Variants in CSPG5 observed in about 807,000 individuals in gnomAD.
CSPG5 encodes the protein chondroitin sulfate proteoglycan 5.
Under a neutral mutation model 39.8 loss-of-function variants are expected in CSPG5, and 25 were observed. The ratio of observed to expected loss-of-function variants is 0.63; its 90% confidence interval spans 0.46 to 0.88. The LOEUF is 0.88. CSPG5 is among the 40% of genes least tolerant of loss of function. The probability of loss-of-function intolerance (pLI) is 0.00; values close to 1 mark genes in which losing one functional copy is unlikely to be tolerated. For missense variants in CSPG5, 627 were observed against 702.2 expected, an observed-to-expected ratio of 0.89 and a Z score of 1.21; for synonymous variants, 295 against 303.9, an observed-to-expected ratio of 0.97 and a Z score of 0.31.
At chr3:47,564,120 G>A (rs1372355397) in intron 4 of CSPG5, among the ~76,000 whole-genome samples, 1 of 152,216 alleles carries the variant, frequency 6.6e-6, no homozygotes, top group Non-Finnish European at 1.5e-5. Flanking sequence ...AGAAGGTAGA[G>A]AGTGTCCTAA....
intron 2 of CSPG5, among the ~76,000 whole-genome samples, chr3:47,574,151 A>C (rs1385246565): frequency 6.6e-6 from 1 of 152,226 alleles, no homozygotes; most frequent in Non-Finnish European, 1.5e-5. Context: ...CACGTGGAGA[A>C]GCCCTTGTGA....
At chr3:47,575,771 C>G (rs1401147362) in intron 2 of CSPG5, among the ~76,000 whole-genome samples, 1 of 152,042 alleles carries the variant, frequency 6.6e-6, no homozygotes, top group African/African-American at 2.4e-5. Context: ...CCTCCTCCCG[C>G]CGAGCACAAG....
chr3:47,571,126 A>G (rs1390352252), intron 3 of CSPG5, among the ~76,000 whole-genome samples: 1 of 151,762 alleles, frequency 6.6e-6, no homozygotes, highest in Non-Finnish European at 1.5e-5. Flanking sequence ...CAGTGATTGT[A>G]AGACACAATC....
Position 47,577,474 on chromosome 3 carries a change from G to A in CSPG5, c.552C>T (p.Pro184=), listed in dbSNP as rs758758712. 6 of 1,613,780 alleles carry A rather than the reference G, an allele frequency of 3.7e-6. No homozygotes were observed. In the African/African-American group the frequency reaches 6.7e-5, roughly 18 times the overall value. The change falls in exon 2 of 5, where the codon CCC becomes CCT. Residue 184 remains proline, a synonymous_variant. Transcript: ENST00000264723. The surrounding 1 kb of genome is among the most constrained non-coding windows in gnomAD (Gnocchi z 4.7). The part of the protein sequence containing the change: ...EVWLNLGGST[P]DPQGPELTYP... ...AAGTCAGCTCTGGCCCTTGAGGGTC[G>A]GGTGTGCTGCCCCCCAGGTTCAGCC...
chr3:47,576,604 G>A lies in CSPG5; in HGVS notation c.1193+229C>T, dbSNP rs527604610. 2.2e-4 allele frequency among the ~76,000 whole-genome samples: 33 copies of A among 152,162 alleles called. No individual in the cohort carries two copies. In the South Asian group the frequency reaches 6.6e-3, roughly 31 times the overall value. ...CTCCTGAGTAGCTGGGACTACAGGT[G>A]CCTGCCACCGCGCCCAGCTAATTTT... On this transcript the variant is annotated intron_variant, in intron 2 of 4. Transcript: ENST00000264723.
At chr3:47,579,483 G>A (rs1296588832), upstream of CSPG5, 1 of 152,300 alleles carries the variant, frequency 6.6e-6, no homozygotes, top group African/African-American at 2.4e-5. This position sits in a 1 kb window ranked among gnomAD's most constrained non-coding sequence, Gnocchi z 4.2. Flanking sequence ...CGCAGCCAAA[G>A]CCACTAGCCT....
chr3:47,577,632 C>A lies in CSPG5; in HGVS notation c.394G>T (p.Glu132Ter). The A allele has an allele frequency of 6.2e-7, 1 of 1,610,258 alleles. No homozygotes were observed. The highest frequency in any genetic ancestry group is 8.5e-7 in the Non-Finnish European group (1 of 1,179,352). Reference protein sequence around the residue: ...ALPATLQAPHEVLGQSIMPPA... With the variant: ...ALPATLQAPH ...GGCATGATTGACTGCCCGAGGACCT[C>A]GTGGGGAGCCTGGAGCGTAGCTGGA... Residue 132 changes from glutamate (E) to a stop codon, truncating the protein, a stop_gained, in exon 2 of 5, where the codon GAG (glutamate) becomes TAG (stop). Transcript: ENST00000264723. LOFTEE classifies it high-confidence loss of function. This position sits in a 1 kb window ranked among gnomAD's most constrained non-coding sequence, Gnocchi z 4.7.
At chr3:47,569,850 T>A (rs1047864048) in intron 3 of CSPG5, among the ~76,000 whole-genome samples, 2 of 151,288 alleles carry the variant, frequency 1.3e-5, no homozygotes, top group Non-Finnish European at 2.9e-5. Flanking sequence ...TGGACTCAAG[T>A]GATCTTTCCA....
chr3:47,577,746 C>G lies in CSPG5; in HGVS notation c.280G>C (p.Ala94Pro). The G allele has an allele frequency of 6.3e-7, 1 of 1,584,288 alleles. No homozygotes were observed. Among genetic ancestry groups the G allele is most frequent in the Non-Finnish European group, 8.5e-7 (1 of 1,171,174 alleles). The stretch of plus-strand genomic sequence containing the variant: ...TCCAGCCAGGCGGTGCCGGTCACCG[C>G]AGCCGACTCCTGCAGCACCTCTTCT... ...GPEEVLQESA[A>P]VTGTAWLEAD... Residue 94 changes from alanine (A) to proline (P), a missense_variant, in exon 2 of 5, where the codon GCG (alanine) becomes CCG (proline). Transcript: ENST00000264723. The surrounding 1 kb of genome is among the most constrained non-coding windows in gnomAD (Gnocchi z 4.7).
At chr3:47,568,741 G>C (rs1053102140) in intron 4 of CSPG5, among the ~76,000 whole-genome samples, 15 of 152,142 alleles carry the variant, frequency 9.9e-5, no homozygotes, top group African/African-American at 3.4e-4. Context: ...TCTCAGCCAG[G>C]CAGGTGGCTC....
At position 47,578,566 on chromosome 3, in the gene CSPG5, C is replaced by T; in HGVS notation, c.97+31G>A. 1 of 890,170 alleles carries T rather than the reference C, an allele frequency of 1.1e-6. No homozygotes were observed. The highest frequency in any genetic ancestry group is 1.4e-6 in the Non-Finnish European group (1 of 696,662). The allele number at this position is 890,170 out of a possible 1,614,324, so 55.1% of individuals were successfully genotyped here. On this transcript the variant is annotated intron_variant, in intron 1 of 4. Coordinates refer to ENST00000264723, the MANE Select transcript of CSPG5 (RefSeq NM_006574.4). This position sits in a 1 kb window ranked among gnomAD's most constrained non-coding sequence, Gnocchi z 6.0. ...CCCTGCCCTGGGTGGGGCACGAGGG[C>T]CGCGGGGGTCCCGGGCGCAGTCATA...
intron 4 of CSPG5, 26 bp downstream of exon 4, chr3:47,569,126 C>T (rs368019591): frequency 1.4e-5 from 22 of 1,599,338 alleles, no homozygotes; most frequent in African/African-American, 2.7e-5. Flanking sequence ...GGAGGAGGTA[C>T]GGGGAGTGTT....
chr3:47,568,286 A>G (rs756703141), intron 4 of CSPG5, among the ~76,000 whole-genome samples: 5 of 152,202 alleles, frequency 3.3e-5, no homozygotes, highest in Non-Finnish European at 7.3e-5. Flanking sequence ...ATGATTTGAG[A>G]TTTGGATATG....
chr3:47,562,660 C>T lies in CSPG5; in HGVS notation c.1560G>A (p.Glu520=), dbSNP rs2031128996. 1.9e-6 allele frequency: 3 copies of T among 1,614,070 alleles called. No homozygotes were observed. The highest frequency in any genetic ancestry group is 2.5e-6 in the Non-Finnish European group (3 of 1,180,028). Residue 520 remains glutamate, a synonymous_variant, in exon 5 of 5, where the codon GAG becomes GAA. Coordinates refer to ENST00000264723, the MANE Select transcript of CSPG5 (RefSeq NM_006574.4). Reference sequence around the variant, plus strand: ...AGTCAGCCTGGTCACCTTTGCCACCCTCAAGTTTGGGCGACATGGAGTTCT... The same window carrying T: ...AGTCAGCCTGGTCACCTTTGCCACCTTCAAGTTTGGGCGACATGGAGTTCT... The part of the protein sequence containing the change: ...NIQNSMSPKL[E]GGKGDQADLD...
chr3:47,567,645 G>A (rs956968508), intron 4 of CSPG5, among the ~76,000 whole-genome samples: 2 of 152,028 alleles, frequency 1.3e-5, no homozygotes, highest in African/African-American at 4.8e-5. Context: ...CCTGTTCTGG[G>A]GTTTTGTGAA....
intron 2 of CSPG5, among the ~76,000 whole-genome samples, chr3:47,573,877 A>G (rs1360494428): frequency 6.6e-6 from 1 of 152,092 alleles, no homozygotes; most frequent in Non-Finnish European, 1.5e-5. Flanking sequence ...GGGAATGCAG[A>G]CCCCTGTAAG....
At chr3:47,569,251 G>A (rs1355052296) in intron 3 of CSPG5, 24 bp from the exon 4 acceptor site, 7 of 1,602,206 alleles carry the variant, frequency 4.4e-6, no homozygotes, top group Non-Finnish European at 6.0e-6. Flanking sequence ...AAGAGTGAAG[G>A]AAACATGTAA....
At chr3:47,573,003 C>T (rs1319407088) in intron 2 of CSPG5, 129 bp from the exon 3 acceptor site, 2 of 712,630 alleles carry the variant, frequency 2.8e-6, no homozygotes, top group East Asian at 5.5e-5. Context: ...AACTGCAATG[C>T]TCCGAATCTG....
intron 2 of CSPG5, among the ~76,000 whole-genome samples, chr3:47,576,521 C>G (rs1258185398): frequency 6.7e-6 from 1 of 149,402 alleles, no homozygotes; most frequent in Non-Finnish European, 1.5e-5. Flanking sequence ...GGCAGTGGCA[C>G]GATCTTGGCT....
Sources: gnomAD v4.1 joint callset for allele counts (sites outside exome capture counted in the v4.1 genomes callset) on GRCh38, gnomAD v4.1.1 for gene constraint, Gnocchi (gnomAD v3.1) non-coding constraint, MANE v1.5 for transcripts, NCBI Gene and HGNC (gene_info 2026-07-23, HGNC 2026-07-21) for gene names.